Variants in U2SURP observed in about 807,000 individuals in gnomAD.
U2SURP encodes the protein U2 snRNP-associated SURP motif-containing protein.
U2SURP carries 9 observed loss-of-function variants against 144.9 expected under a neutral mutation model. The observed-to-expected ratio is 0.06, with a 90% CI of 0.04 to 0.11. The LOEUF (loss-of-function observed/expected upper bound fraction) is 0.11. U2SURP is among the 10% of genes least tolerant of loss of function. U2SURP has a pLI of 1.00. For missense variants in U2SURP, 724 were observed against 1,226.7 expected, an observed-to-expected ratio of 0.59 and a Z score of 6.12; for synonymous variants, 408 against 396.8, an observed-to-expected ratio of 1.03 and a Z score of -0.33.
intron 1 of U2SURP, among the ~76,000 whole-genome samples, chr3:143,005,314 CT>C (rs1232586124): frequency 6.6e-6 from 1 of 152,124 alleles, no homozygotes; most frequent in Non-Finnish European, 1.5e-5. Flanking sequence ...AATAAGTAAA[CT>C]GAGGACCTGT....
chr3:143,017,858 A>G (rs1936447438), intron 6 of U2SURP, among the ~76,000 whole-genome samples: 1 of 151,634 alleles, frequency 6.6e-6, no homozygotes, highest in Non-Finnish European at 1.5e-5. Flanking sequence ...TCCTGGACTC[A>G]AGCGATTTGC....
chr3:143,014,458 A>G (rs759093905), intron 4 of U2SURP, 49 bp downstream of exon 4: 34 of 1,313,142 alleles, frequency 2.6e-5, no homozygotes, highest in Admixed American at 1.8e-4. Context: ...GAATGTGTCT[A>G]AGGGGTTAGT....
At chr3:143,001,737 C>A in intron 1 of U2SURP, 64 bp downstream of exon 1, 1 of 1,596,978 alleles carries the variant, frequency 6.3e-7, no homozygotes, top group Non-Finnish European at 8.6e-7. Flanking sequence ...CCCACAGACG[C>A]TTCTGGCCTG....
At chr3:143,010,996 G>T in intron 2 of U2SURP, 137 bp downstream of exon 2, 1 of 601,830 alleles carries the variant, frequency 1.7e-6, no homozygotes, top group East Asian at 3.2e-5. Context: ...TTTTTTCTAG[G>T]CGCCTTCCTT....
intron 21 of U2SURP, 123 bp downstream of exon 21, chr3:143,037,458 TTTTCTA>T: frequency 1.1e-6 from 1 of 937,168 alleles, no homozygotes; most frequent in South Asian, 1.9e-5. Flanking sequence ...AGTTATTAAC[TTTTCTA>T]TTTCTGATTT....
Position 143,001,581 on chromosome 3 carries a change from C to A in U2SURP, c.-48C>A. On this transcript the variant is annotated 5_prime_UTR_variant, in exon 1 of 28. Transcript: ENST00000473835. ...CACTGAGATCCGCTCTTTCGGTGCT[C>A]GACTCGCCCGTGCTGCTGCCGCCGC... is the stretch of plus-strand genomic sequence containing the variant. The A allele has an allele frequency of 1.2e-6, 2 of 1,608,616 alleles. No homozygotes were observed. The highest frequency in any genetic ancestry group is 2.2e-5 in the South Asian group (2 of 90,038).
At chr3:143,033,178 T>A (rs2108295522) in intron 17 of U2SURP, 93 bp from the exon 18 acceptor site, 1 of 875,382 alleles carries the variant, frequency 1.1e-6, no homozygotes, top group East Asian at 2.7e-5. Context: ...ATACTGAGCT[T>A]CATATAACTC....
At chr3:143,048,578 A>G (rs975276018) in intron 24 of U2SURP, among the ~76,000 whole-genome samples, 2 of 152,174 alleles carry the variant, frequency 1.3e-5, no homozygotes, top group Non-Finnish European at 2.9e-5. Context: ...GAAAGAAGAG[A>G]AGGAGAGAAC....
intron 24 of U2SURP, among the ~76,000 whole-genome samples, chr3:143,046,643 T>TCA (rs1263552493): frequency 9.6e-6 from 1 of 104,050 alleles, no homozygotes; most frequent in Non-Finnish European, 1.9e-5. Context: ...GGGGGTAAGG[T>TCA]CACAGATCAA....
chr3:143,050,389 G>C (rs536398220), intron 24 of U2SURP, among the ~76,000 whole-genome samples: 2 of 152,234 alleles, frequency 1.3e-5, no homozygotes, highest in East Asian at 3.9e-4. Flanking sequence ...GTTTTAATCA[G>C]TATTTGCTCT....
At chr3:143,049,633 C>T (rs1359237394) in intron 24 of U2SURP, among the ~76,000 whole-genome samples, 3 of 152,170 alleles carry the variant, frequency 2.0e-5, no homozygotes, top group Non-Finnish European at 4.4e-5. Flanking sequence ...CCGTAGAATT[C>T]AAGAAGAAGG....
At chr3:143,049,349 G>A (rs1934724338) in intron 24 of U2SURP, among the ~76,000 whole-genome samples, 1 of 80,562 alleles carries the variant, frequency 1.2e-5, no homozygotes, top group South Asian at 3.6e-4. Context: ...TGTAATAAAG[G>A]GGGGTAACAA....
intron 14 of U2SURP, 104 bp from the exon 15 acceptor site, chr3:143,028,235 AT>A: frequency 7.6e-7 from 1 of 1,321,976 alleles, no homozygotes; most frequent in South Asian, 1.4e-5. Context: ...TTTTTGTTTT[AT>A]TTAGAACTAA....
At position 143,022,234 on chromosome 3, in the gene U2SURP, A is replaced by T. The variant is rs193201768; in HGVS notation, c.853-263A>T. ...CCAGGACCTTAAAACAAAGGAAGAT[A>T]GAGAGTAAAAATGATTTTGATTTCT... On this transcript the variant is annotated intron_variant, in intron 10 of 27. Transcript: ENST00000473835. Among the ~76,000 whole-genome samples the T allele has an allele frequency of 2.9e-3, 442 of 152,310 alleles. 1 individual carries two copies. The highest frequency in any genetic ancestry group is 0.017 in the Middle Eastern group (5 of 294).
Position 143,012,308 on chromosome 3 carries a change from T to G in U2SURP, c.177T>G (p.Ser59Arg). The G allele has an allele frequency of 6.2e-7, 1 of 1,613,142 alleles. No individual in the cohort carries two copies. Among genetic ancestry groups the G allele is most frequent in the Non-Finnish European group, 8.5e-7 (1 of 1,179,396 alleles). The change falls in exon 3 of 28, where the codon AGT becomes AGG. Residue 59 changes from serine (S) to arginine (R), a missense_variant. This residue lies in a region of U2SURP where 127 missense variants were observed against 98.2 expected (regional missense o/e 1.29). Coordinates refer to ENST00000473835, the MANE Select transcript of U2SURP (RefSeq NM_001080415.2). ...SPRKHNYRNESARESLCDSPH... is the reference protein window; with the variant it reads ...SPRKHNYRNERARESLCDSPH... The stretch of plus-strand genomic sequence containing the variant: ...GAAAACATAATTATAGGAATGAAAG[T>G]GCCCGTGAAAGCCTTTGTGATTCTC...
intron 1 of U2SURP, among the ~76,000 whole-genome samples, chr3:143,004,353 GTTTTTTTTTTTTTTTT>G (rs869186497): frequency 2.4e-5 from 2 of 83,412 alleles, no homozygotes; most frequent in Admixed American, 1.6e-4. Context: ...TAGTTGGGGT[GTTTTTTTTTTTTTTTT>G]TTTTTTTTTT....
At chr3:143,050,186 G>T (rs1464466780) in intron 24 of U2SURP, among the ~76,000 whole-genome samples, 1 of 152,124 alleles carries the variant, frequency 6.6e-6, no homozygotes, top group Non-Finnish European at 1.5e-5. Context: ...CGATTCTCCT[G>T]CCTCAGTCTC....
At chr3:143,027,940 T>C (rs1933251405) in intron 14 of U2SURP, among the ~76,000 whole-genome samples, 1 of 152,110 alleles carries the variant, frequency 6.6e-6, no homozygotes, top group Admixed American at 6.6e-5. Flanking sequence ...AACAAATGAG[T>C]TTTAAAATAA....
Position 143,057,400 on chromosome 3 carries a change from C to CCCG in U2SURP, c.*952_*953insGCC, listed in dbSNP as rs386398124. ...TTTGTGTTTAAACAGCTTAGTTGGT[C>CCCG]CCCCCCCACTCCCAAGAGACTTGGG... On this transcript the variant is annotated 3_prime_UTR_variant, in exon 28 of 28. Coordinates refer to ENST00000473835, the MANE Select transcript of U2SURP (RefSeq NM_001080415.2). 5.7e-5 allele frequency: 1 copy of CCCG among 17,646 alleles called. No homozygotes were observed. 1.1% of individuals were successfully genotyped at this position (17,646 alleles called of 1,614,324 possible). A position where few individuals can be genotyped will look rare whatever the true frequency, so the allele number is the denominator to read the frequency against.
Sources: allele counts gnomAD v4.1 joint callset (sites outside exome capture counted in the v4.1 genomes callset), GRCh38; gene constraint gnomAD v4.1.1; regional missense constraint gnomAD v4.1.1; transcripts MANE v1.5; gene names NCBI Gene and HGNC (gene_info 2026-07-23, HGNC 2026-07-21).